The following RMP64 variants were observed in gnomAD, a reference collection of about 807,000 sequenced individuals.
RMP64 encodes nucleolus and neural progenitor protein.
chr3:113,011,524 A>G, the RMP64 span: 1 of 856,352 alleles, frequency 1.2e-6, no homozygotes, highest in South Asian at 1.9e-5. Context: ...CAGTACAGAT[A>G]AAAAACACTA....
chr3:113,006,910 CA>C, the RMP64 span, among the ~76,000 whole-genome samples: 1 of 152,152 alleles, frequency 6.6e-6, no homozygotes, highest in East Asian at 1.9e-4. Flanking sequence ...GTCTACCTCA[CA>C]ATGTTATTAT....
At chr3:113,011,388 G>GAC in the RMP64 span, 1 of 1,593,412 alleles carries the variant, frequency 6.3e-7, no homozygotes, top group Non-Finnish European at 8.5e-7. Context: ...ACCTTTTTAA[G>GAC]ACACCTTTAT....
the RMP64 span, chr3:113,010,426 T>C: frequency 1.7e-4 from 87 of 516,818 alleles, no homozygotes; most frequent in Non-Finnish European, 2.1e-4. Flanking sequence ...GAGAAACTCC[T>C]ACTAAAATAT....
chr3:113,008,665 T>TAA, the RMP64 span: 24 of 297,306 alleles, frequency 8.1e-5, no homozygotes, highest in Non-Finnish European at 1.1e-4. Flanking sequence ...ACCTAAAAAT[T>TAA]AAAAAAAAAA....
the RMP64 span, among the ~76,000 whole-genome samples, chr3:113,006,881 A>G: frequency 6.6e-6 from 1 of 152,216 alleles, no homozygotes; most frequent in Non-Finnish European, 1.5e-5. Flanking sequence ...TTACCCATCT[A>G]TGAAATGGGA....
chr3:113,010,910 T>C, the RMP64 span: 132 of 897,106 alleles, frequency 1.5e-4, no homozygotes, highest in Non-Finnish European at 1.2e-4. Flanking sequence ...CATACCTCTC[T>C]AATCAATATG....
chr3:113,009,970 T>TA, the RMP64 span, among the ~76,000 whole-genome samples: 83,866 of 144,102 alleles, frequency 0.58, 27,296 homozygotes, highest in Non-Finnish European at 0.74. Flanking sequence ...AAGACAGGGT[T>TA]AAAAAAAAAA....
At chr3:113,019,628 G>T in the RMP64 span, 3 of 1,613,422 alleles carry the variant, frequency 1.9e-6, no homozygotes, top group Non-Finnish European at 8.5e-7. Context: ...CTCCAGGCCC[G>T]GCGGCACCGC....
chr3:113,007,416 C>T, the RMP64 span, among the ~76,000 whole-genome samples: 1 of 151,998 alleles, frequency 6.6e-6, no homozygotes, highest in Non-Finnish European at 1.5e-5. Flanking sequence ...CTGAATAGCT[C>T]TAAACTATGG....
the RMP64 span, chr3:113,019,227 A>C: frequency 2.5e-6 from 1 of 405,634 alleles, no homozygotes; most frequent in Admixed American, 4.5e-5. Context: ...AAGGGTTCCC[A>C]GGCAGCACTG....
the RMP64 span, among the ~76,000 whole-genome samples, chr3:113,009,959 A>G: frequency 9.4e-5 from 12 of 128,300 alleles, no homozygotes; most frequent in Admixed American, 9.4e-4. Flanking sequence ...GACATTTTGC[A>G]AAGACAGGGT....
At chr3:113,014,072 T>C in the RMP64 span, 13 of 1,249,622 alleles carry the variant, frequency 1.0e-5, no homozygotes, top group East Asian at 2.8e-4. Context: ...GTGTATGTAA[T>C]GCAGACAGGG....
chr3:113,013,801 A>C, the RMP64 span: 12 of 669,722 alleles, frequency 1.8e-5, 1 homozygote, highest in South Asian at 2.0e-4. Flanking sequence ...GATTACCACA[A>C]ACACCAGGTA....
chr3:113,010,339 G>A, the RMP64 span, among the ~76,000 whole-genome samples: 4 of 152,140 alleles, frequency 2.6e-5, no homozygotes, highest in East Asian at 3.8e-4. Context: ...CCAACTGTCT[G>A]ACTGCAAAGC....
the RMP64 span, chr3:113,011,640 T>C: frequency 2.9e-6 from 1 of 340,542 alleles, no homozygotes. Flanking sequence ...AAGATATATA[T>C]ATATTCAAAA....
chr3:113,012,501 T>C, the RMP64 span: 1 of 348,504 alleles, frequency 2.9e-6, no homozygotes, highest in Non-Finnish European at 5.1e-6. Flanking sequence ...ATTTTTTTAG[T>C]TGTTCAGTGA....
chr3:113,012,337 A>G, the RMP64 span, among the ~76,000 whole-genome samples: 1 of 152,242 alleles, frequency 6.6e-6, no homozygotes, highest in Non-Finnish European at 1.5e-5. Context: ...CATCATTTTA[A>G]ACGGCCTGTT....
chr3:113,018,235 G>A, the RMP64 span, among the ~76,000 whole-genome samples: 1 of 152,172 alleles, frequency 6.6e-6, no homozygotes, highest in South Asian at 2.1e-4. Flanking sequence ...TGGCTCTAAA[G>A]GCAGCACTAG....
At chr3:113,005,913 G>A in the RMP64 span, 1 of 1,613,640 alleles carries the variant, frequency 6.2e-7, no homozygotes, top group South Asian at 1.1e-5. Flanking sequence ...GATCTTCTCT[G>A]TCTCAGATGA....
Sources: allele counts gnomAD v4.1 joint callset (sites outside exome capture counted in the v4.1 genomes callset), GRCh38; gene constraint gnomAD v4.1.1; transcripts MANE v1.5; gene names NCBI Gene and HGNC (gene_info 2026-07-23, HGNC 2026-07-21).